Variants in TMEM108 observed in about 807,000 individuals in gnomAD.
The protein encoded by TMEM108 is cancer/testis antigen 124.
In TMEM108, 12 loss-of-function variants were observed where a neutral mutation model predicts 35.1. The observed-to-expected ratio is 0.34, with a 90% CI of 0.22 to 0.55. TMEM108 has a LOEUF of 0.55. Among genes scored for constraint, TMEM108 ranks in the 20% least tolerant of loss-of-function variants. TMEM108 has a pLI of 0.89. For missense variants in TMEM108, 680 were observed against 753.3 expected, an observed-to-expected ratio of 0.90 and a Z score of 1.14; for synonymous variants, 287 against 308.6, an observed-to-expected ratio of 0.93 and a Z score of 0.73.
chr3:133,337,717 A>G (rs2071538932), intron 3 of TMEM108, among the ~76,000 whole-genome samples: 1 of 152,214 alleles, frequency 6.6e-6, no homozygotes, highest in South Asian at 2.1e-4. Flanking sequence ...TAAGGTAGAA[A>G]GGACCAATCC....
intron 3 of TMEM108, among the ~76,000 whole-genome samples, chr3:133,256,330 A>G (rs1053878476): frequency 3.2e-4 from 48 of 152,368 alleles, no homozygotes; most frequent in African/African-American, 1.1e-3. Flanking sequence ...CTTCTAAAAG[A>G]TATGCCTCAG....
chr3:133,351,072 G>A (rs953337111), intron 3 of TMEM108, among the ~76,000 whole-genome samples: 12 of 152,128 alleles, frequency 7.9e-5, no homozygotes, highest in African/African-American at 2.7e-4. Context: ...TATTGAGGTT[G>A]GGGGTATAGG....
At chr3:133,221,454 C>A (rs1423302604) in intron 2 of TMEM108, among the ~76,000 whole-genome samples, 1 of 152,152 alleles carries the variant, frequency 6.6e-6, no homozygotes, top group East Asian at 1.9e-4. Flanking sequence ...GCACTCCTAT[C>A]ACTCAGTAAA....
chr3:133,048,906 C>T (rs1943370635), intron 2 of TMEM108, among the ~76,000 whole-genome samples: 1 of 152,152 alleles, frequency 6.6e-6, no homozygotes, highest in Admixed American at 6.6e-5. Flanking sequence ...TGTTCTAGTA[C>T]TACTCAAAGT....
At chr3:133,139,475 C>T (rs1276091698) in intron 2 of TMEM108, among the ~76,000 whole-genome samples, 3 of 152,104 alleles carry the variant, frequency 2.0e-5, no homozygotes, top group Admixed American at 2.0e-4. Flanking sequence ...ATAGATGACC[C>T]ATAGTGTATG....
intron 3 of TMEM108, among the ~76,000 whole-genome samples, chr3:133,342,762 G>A (rs2071704071): frequency 6.6e-6 from 1 of 150,724 alleles, no homozygotes; most frequent in East Asian, 1.9e-4. Flanking sequence ...TGAGAAGGGT[G>A]GAAGTAGGGA....
intron 2 of TMEM108, among the ~76,000 whole-genome samples, chr3:133,137,015 G>A (rs1179193091): frequency 6.6e-6 from 1 of 152,152 alleles, no homozygotes; most frequent in African/African-American, 2.4e-5. Flanking sequence ...AATTAGTCCT[G>A]GAGTTTTTGT....
At chr3:133,309,233 C>G (rs1364138970) in intron 3 of TMEM108, among the ~76,000 whole-genome samples, 1 of 152,034 alleles carries the variant, frequency 6.6e-6, no homozygotes, top group Admixed American at 6.6e-5. Flanking sequence ...TTTATTGCGT[C>G]TATTTGATTC....
chr3:133,067,011 G>A (rs1943616306), intron 2 of TMEM108, among the ~76,000 whole-genome samples: 2 of 151,902 alleles, frequency 1.3e-5, no homozygotes, highest in Non-Finnish European at 2.9e-5. Context: ...TTTTCACTTG[G>A]GTAAACATGT....
intron 3 of TMEM108, among the ~76,000 whole-genome samples, chr3:133,299,927 A>G (rs1236210515): frequency 6.6e-6 from 1 of 152,194 alleles, no homozygotes; most frequent in Non-Finnish European, 1.5e-5. Context: ...AAATCTGAAA[A>G]TCAGAGTGGA....
chr3:133,114,143 T>C (rs1459946932), intron 2 of TMEM108, among the ~76,000 whole-genome samples: 1 of 152,164 alleles, frequency 6.6e-6, no homozygotes, highest in Non-Finnish European at 1.5e-5. Flanking sequence ...GTCTCATGTG[T>C]GCATTCAGGT....
At chr3:133,305,026 T>C (rs939341593) in intron 3 of TMEM108, among the ~76,000 whole-genome samples, 1 of 151,932 alleles carries the variant, frequency 6.6e-6, no homozygotes, top group Admixed American at 6.6e-5. Flanking sequence ...GAGATTACGG[T>C]AAGCCAAGAT....
chr3:133,173,847 A>G (rs1332987015), intron 2 of TMEM108, among the ~76,000 whole-genome samples: 1 of 152,202 alleles, frequency 6.6e-6, no homozygotes, highest in African/African-American at 2.4e-5. Flanking sequence ...CAGTGGGTGC[A>G]GTGCACCAAG....
intron 3 of TMEM108, among the ~76,000 whole-genome samples, chr3:133,324,639 AC>A (rs2071307460): frequency 3.9e-5 from 6 of 152,226 alleles, no homozygotes; most frequent in Admixed American, 3.9e-4. Flanking sequence ...AAGTAGAGCT[AC>A]CATTTGATCC....
chr3:133,191,916 T>C (rs1482545018), intron 2 of TMEM108, among the ~76,000 whole-genome samples: 1 of 152,076 alleles, frequency 6.6e-6, no homozygotes, highest in Non-Finnish European at 1.5e-5. Flanking sequence ...TGATTACTGA[T>C]GCACCCAGAC....
At chr3:133,085,243 C>A (rs1419496046) in intron 2 of TMEM108, among the ~76,000 whole-genome samples, 1 of 152,064 alleles carries the variant, frequency 6.6e-6, no homozygotes, top group Non-Finnish European at 1.5e-5. Flanking sequence ...TCTGAAATTC[C>A]AAATATAAAA....
intron 2 of TMEM108, among the ~76,000 whole-genome samples, chr3:133,123,526 T>C (rs1038022055): frequency 6.6e-6 from 1 of 152,216 alleles, no homozygotes; most frequent in Non-Finnish European, 1.5e-5. Flanking sequence ...AGTTTGTAAA[T>C]ACAATAAGTG....
chr3:133,228,889 T>C (rs1946112527), intron 2 of TMEM108, among the ~76,000 whole-genome samples: 1 of 152,188 alleles, frequency 6.6e-6, no homozygotes, highest in South Asian at 2.1e-4. Flanking sequence ...TTGTTTGTTT[T>C]ATTTGGGTGT....
At chr3:133,202,337 C>G (rs562877440) in intron 2 of TMEM108, among the ~76,000 whole-genome samples, 2 of 152,280 alleles carry the variant, frequency 1.3e-5, no homozygotes, top group South Asian at 4.1e-4. Flanking sequence ...GTCGCCATTG[C>G]TTTTGGTGTT....
Sources: gnomAD v4.1 joint callset for allele counts (sites outside exome capture counted in the v4.1 genomes callset) on GRCh38, gnomAD v4.1.1 for gene constraint, MANE v1.5 for transcripts, NCBI Gene and HGNC (gene_info 2026-07-23, HGNC 2026-07-21) for gene names.